The following NCOR2 variants were observed in gnomAD, a reference collection of about 807,000 sequenced individuals.
NCOR2 encodes the protein nuclear receptor corepressor 2.
Under a neutral mutation model 262.9 loss-of-function variants are expected in NCOR2, and 81 were observed. That is an observed-to-expected ratio of 0.31 (90% CI 0.26 to 0.37). The LOEUF is 0.37. Ranked by LOEUF, NCOR2 falls within the 10% of genes least tolerant of loss-of-function variation. The probability of loss-of-function intolerance (pLI) is 1.00; values close to 1 mark genes in which losing one functional copy is unlikely to be tolerated. For synonymous variants in NCOR2, 1,659 were observed against 1,559.3 expected (o/e 1.06, Z -1.51); for missense variants, 3,385 against 3,621.4 (o/e 0.93, Z 1.68).
At position 124,344,771 on chromosome 12, in the gene NCOR2, T is replaced by A. The variant is rs1430670883; in HGVS notation, c.4540A>T (p.Thr1514Ser). The A allele has an allele frequency of 1.3e-6, 2 of 1,549,982 alleles. No individual in the cohort carries two copies. The highest frequency in any genetic ancestry group is 2.4e-5 in the East Asian group (1 of 40,994). The change falls in exon 32 of 47, where the codon ACC becomes TCC. Residue 1514 changes from threonine to serine, a missense_variant. Thr to Ser is a moderately conservative substitution (Grantham distance 58). Transcript: ENST00000405201. ...ATGGAGCCCCCCGAGCTGCTGGCGG[T>A]CCCTGGCCGGCTCTTCAGGCTCTCC...
At chr12:124,342,663 C>T (rs117216700) in intron 33 of NCOR2, among the ~76,000 whole-genome samples, 7 of 152,232 alleles carry the variant, frequency 4.6e-5, no homozygotes, top group South Asian at 4.1e-4. Context: ...CCACCGTGCC[C>T]GGCAACTTTT....
chr12:124,484,829 G>T (rs936419316), intron 2 of NCOR2, among the ~76,000 whole-genome samples: 1 of 152,150 alleles, frequency 6.6e-6, no homozygotes, highest in Non-Finnish European at 1.5e-5. Context: ...ATGAATGAAC[G>T]CAGGGTGGTT....
chr12:124,351,896 G>C (rs993973412), intron 27 of NCOR2, among the ~76,000 whole-genome samples: 3 of 152,156 alleles, frequency 2.0e-5, no homozygotes, highest in Non-Finnish European at 4.4e-5. Context: ...CCAAGACCTG[G>C]ACCAGTGAGC....
rs376056147 is a variant in NCOR2 at position 124,494,995 on chromosome 12, AC to A, written c.105+151del. 2.0e-5 allele frequency: 18 copies of A among 897,578 alleles called. 1 individual carries two copies. Among genetic ancestry groups the A allele is most frequent in the Middle Eastern group, 2.3e-4 (1 of 4,332 alleles). The allele number at this position is 897,578 out of a possible 1,614,324, so 55.6% of individuals were successfully genotyped here. ...AGATATTCTGGAAAAGGCTTCAGAC[AC>A]CAGGGGTCTCTGTGGCGGCCTCCCC... On this transcript the variant is annotated intron_variant, in intron 1 of 46. Transcript: ENST00000405201.
At chr12:124,528,874 T>C (rs11832633) in intron 1 of NCOR2, among the ~76,000 whole-genome samples, 6,491 of 152,250 alleles carry the variant, frequency 0.043, 292 homozygotes, top group African/African-American at 0.11. Flanking sequence ...TCCTCATCTG[T>C]AAGATGAGTG....
chr12:124,525,371 C>A (rs2050408696), intron 1 of NCOR2, among the ~76,000 whole-genome samples: 1 of 152,246 alleles, frequency 6.6e-6, no homozygotes, highest in Admixed American at 6.5e-5. Flanking sequence ...GTCATCCCTA[C>A]CTCCCCACCC....
chr12:124,386,912 C>A (rs1164405692), intron 16 of NCOR2, among the ~76,000 whole-genome samples: 1 of 152,238 alleles, frequency 6.6e-6, no homozygotes, highest in Non-Finnish European at 1.5e-5. Flanking sequence ...GTAGGGCCTG[C>A]CCACTTTCCC....
chr12:124,540,361 G>A (rs990030373), upstream of NCOR2, among the ~76,000 whole-genome samples: 1 of 144,148 alleles, frequency 6.9e-6, no homozygotes, highest in African/African-American at 2.6e-5. Flanking sequence ...AGGCCCAGGG[G>A]CAAGAACCAG....
chr12:124,535,627 G>A (rs898288621), upstream of NCOR2: 3 of 152,232 alleles, frequency 2.0e-5, no homozygotes, highest in East Asian at 1.9e-4. Context: ...GACAAAACAC[G>A]GGTTTTGTTA....
intron 37 of NCOR2, 101 bp downstream of exon 39, chr12:124,339,905 A>ATATACCTCCCC: frequency 6.1e-6 from 1 of 163,602 alleles, no homozygotes. Flanking sequence ...CCACCCACCC[A>ATATACCTCCCC]CCTCCCATAT....
At chr12:124,370,829 A>C (rs4765557) in intron 20 of NCOR2, among the ~76,000 whole-genome samples, 9 of 152,114 alleles carry the variant, frequency 5.9e-5, no homozygotes, top group Admixed American at 3.3e-4. Context: ...AAACAGGACG[A>C]CACTGGGGTC....
chr12:124,386,139 G>A (rs1473812401), intron 16 of NCOR2, among the ~76,000 whole-genome samples: 1 of 152,168 alleles, frequency 6.6e-6, no homozygotes, highest in East Asian at 1.9e-4. Flanking sequence ...AGGATGCATG[G>A]GAAAGGCCTG....
chr12:124,544,996 G>A (rs749193778), intron 1 of NCOR2, among the ~76,000 whole-genome samples: 7 of 152,102 alleles, frequency 4.6e-5, no homozygotes, highest in South Asian at 2.1e-4. Context: ...CTTGCTTCTC[G>A]GAACCTCAGT....
chr12:124,332,273 C>A (rs1433974373), intron 43 of NCOR2, 46 bp downstream of exon 45: 3 of 1,607,606 alleles, frequency 1.9e-6, no homozygotes, highest in Non-Finnish European at 2.6e-6. Context: ...AGGCCACCCG[C>A]CCACCTGTGG....
intron 17 of NCOR2, among the ~76,000 whole-genome samples, chr12:124,382,661 T>C (rs1362254233): frequency 6.6e-6 from 1 of 152,174 alleles, no homozygotes; most frequent in African/African-American, 2.4e-5. Context: ...ACTAACGAAG[T>C]GTTAGCTCCA....
intron 6 of NCOR2, among the ~76,000 whole-genome samples, chr12:124,453,079 G>T (rs2045644510): frequency 6.6e-6 from 1 of 152,180 alleles, no homozygotes; most frequent in Non-Finnish European, 1.5e-5. Flanking sequence ...AGTGGGGGGA[G>T]GGAGGGACAG....
chr12:124,473,261 G>C, intron 3 of NCOR2, 130 bp from the exon 6 acceptor site: 1 of 1,117,864 alleles, frequency 8.9e-7, no homozygotes, highest in Non-Finnish European at 1.3e-6. Flanking sequence ...CGGTATGTCT[G>C]TGAGGGTGTT....
chr12:124,455,495 T>C (rs2136542143), intron 6 of NCOR2, among the ~76,000 whole-genome samples: 1 of 152,258 alleles, frequency 6.6e-6, no homozygotes, highest in East Asian at 1.9e-4. Flanking sequence ...CCTTGCCATC[T>C]CCTCCCTGCT....
rs1002075595 is a variant in NCOR2 at position 124,432,185 on chromosome 12, G to A, written c.883-1398C>T. Among the ~76,000 whole-genome samples, 1 of 151,796 alleles carries A rather than the reference G, an allele frequency of 6.6e-6. No homozygotes were observed. The highest frequency in any genetic ancestry group is 1.5e-5 in the Non-Finnish European group (1 of 67,944). On this transcript the variant is annotated intron_variant, in intron 8 of 46. Transcript: ENST00000405201. The surrounding 1 kb of genome is among the most constrained non-coding windows in gnomAD (Gnocchi z 5.1). ...ACAGGGTCTCGCAGGCAGACATGATGGACACACATACACAGAGTCACACAT... is the reference window on the plus strand; with the variant it reads ...ACAGGGTCTCGCAGGCAGACATGATAGACACACATACACAGAGTCACACAT...
Sources: gnomAD v4.1 joint callset for allele counts (sites outside exome capture counted in the v4.1 genomes callset) on GRCh38, gnomAD v4.1.1 for gene constraint, Gnocchi (gnomAD v3.1) non-coding constraint, MANE v1.5 for transcripts, NCBI Gene and HGNC (gene_info 2026-07-23, HGNC 2026-07-21) for gene names.